The following TIAM1 variants were observed in gnomAD, a reference collection of about 807,000 sequenced individuals.
TIAM1 encodes rho guanine nucleotide exchange factor TIAM1.
TIAM1 carries 65 observed loss-of-function variants against 163.5 expected under a neutral mutation model. The observed-to-expected ratio is 0.40, with a 90% confidence interval of 0.33 to 0.49. TIAM1 has a LOEUF of 0.49. Among genes scored for constraint, TIAM1 ranks in the 20% least tolerant of loss-of-function variants. The pLI is 0.77. For missense variants in TIAM1, 1,789 were observed against 2,044.7 expected (o/e 0.87, Z 2.41); for synonymous variants, 833 against 810.1 (o/e 1.03, Z -0.48).
chr21:31,430,210 G>GAAAA (rs57117941), intron 2 of TIAM1, among the ~76,000 whole-genome samples: 1 of 89,434 alleles, frequency 1.1e-5, no homozygotes, highest in African/African-American at 5.0e-5. Flanking sequence ...CCATCTCAAA[G>GAAAA]AAAAAAAAAA....
chr21:31,184,792 A>G (rs2085200734), intron 14 of TIAM1, among the ~76,000 whole-genome samples: 2 of 152,182 alleles, frequency 1.3e-5, no homozygotes, highest in Admixed American at 6.5e-5. Flanking sequence ...TATGGCCTAG[A>G]AAGTATAGAA....
At chr21:31,189,401 T>C (rs889295675) in intron 13 of TIAM1, among the ~76,000 whole-genome samples, 7 of 152,172 alleles carry the variant, frequency 4.6e-5, no homozygotes, top group Middle Eastern at 3.4e-3. Flanking sequence ...AAAGGTTAAA[T>C]AGAGGAGACT....
chr21:31,325,528 T>C (rs1352120535), intron 2 of TIAM1, among the ~76,000 whole-genome samples: 1 of 151,324 alleles, frequency 6.6e-6, no homozygotes, highest in Admixed American at 6.6e-5. Flanking sequence ...ATTAGCCAGG[T>C]GTAGTGGCGC....
chr21:31,354,482 C>A (rs2147122826), intron 2 of TIAM1, among the ~76,000 whole-genome samples: 1 of 152,274 alleles, frequency 6.6e-6, no homozygotes, highest in South Asian at 2.1e-4. Context: ...ACCCCCACCA[C>A]ACGAAGAGGC....
At chr21:31,509,774 T>C (rs2047151108) in intron 1 of TIAM1, among the ~76,000 whole-genome samples, 1 of 152,028 alleles carries the variant, frequency 6.6e-6, no homozygotes, top group African/African-American at 2.4e-5. Context: ...TGCATGTTTC[T>C]CTCTCAGGGG....
chr21:31,507,674 G>A (rs752997069), intron 1 of TIAM1, among the ~76,000 whole-genome samples: 1 of 152,156 alleles, frequency 6.6e-6, no homozygotes, highest in South Asian at 2.1e-4. Flanking sequence ...CATGGTCCCC[G>A]TCCTCTTGGG....
At chr21:31,555,233 T>C (rs2048836316) in intron 1 of TIAM1, among the ~76,000 whole-genome samples, 1 of 150,692 alleles carries the variant, frequency 6.6e-6, no homozygotes, top group Non-Finnish European at 1.5e-5. Flanking sequence ...TAAAATGGAG[T>C]ACTTAGAGAT....
intron 14 of TIAM1, among the ~76,000 whole-genome samples, chr21:31,183,973 A>C (rs1421674381): frequency 1.6e-5 from 2 of 121,588 alleles, no homozygotes; most frequent in Non-Finnish European, 3.5e-5. Context: ...TTCTGAGACG[A>C]AGTCTCACTC....
At chr21:31,421,036 C>T (rs1182420306) in intron 2 of TIAM1, among the ~76,000 whole-genome samples, 2 of 151,328 alleles carry the variant, frequency 1.3e-5, no homozygotes, top group African/African-American at 2.4e-5. Flanking sequence ...GCAGGGGAAT[C>T]GCTTGAACCT....
intron 6 of TIAM1, among the ~76,000 whole-genome samples, chr21:31,244,757 A>C (rs1376970535): frequency 2.0e-5 from 3 of 152,242 alleles, no homozygotes; most frequent in Non-Finnish European, 1.5e-5. Flanking sequence ...AAATCTTCTT[A>C]GTATTCTCAA....
chr21:31,132,645 T>C (rs116257503), intron 23 of TIAM1, among the ~76,000 whole-genome samples: 2,445 of 152,234 alleles, frequency 0.016, 59 homozygotes, highest in African/African-American at 0.055. Context: ...ATCTTAACCA[T>C]TGTGGATCAC....
At chr21:31,383,067 C>A (rs2076805931) in intron 2 of TIAM1, among the ~76,000 whole-genome samples, 1 of 151,970 alleles carries the variant, frequency 6.6e-6, no homozygotes, top group Non-Finnish European at 1.5e-5. Context: ...TGGTGAAACC[C>A]CGTCTCTACT....
chr21:31,207,219 A>G (rs1278673432), intron 11 of TIAM1, among the ~76,000 whole-genome samples: 2 of 152,230 alleles, frequency 1.3e-5, no homozygotes, highest in Non-Finnish European at 2.9e-5. Flanking sequence ...TTTAGCAACA[A>G]TCATTCCAGT....
At chr21:31,324,427 G>A (rs2075419104) in intron 2 of TIAM1, among the ~76,000 whole-genome samples, 1 of 152,190 alleles carries the variant, frequency 6.6e-6, no homozygotes, top group Non-Finnish European at 1.5e-5. Context: ...AACAGTAATA[G>A]TAATTGACAC....
chr21:31,280,113 G>C (rs2073483001), intron 2 of TIAM1, among the ~76,000 whole-genome samples: 1 of 152,126 alleles, frequency 6.6e-6, no homozygotes, highest in South Asian at 2.1e-4. Context: ...TGACTCCTAG[G>C]GAAGCGAATG....
In TIAM1 at chr21:31,504,887, G is replaced by T. The variant is rs542410120; in HGVS notation, c.-421-40852C>A. On this transcript the variant is annotated intron_variant, in intron 1 of 28. Coordinates refer to the TIAM1 transcript ENST00000286827. ...AGAAGCTAAGAACTTGACAGCTATG[G>T]TCTCCTCCACATAATAGATACTCCT... Among the ~76,000 whole-genome samples the T allele has an allele frequency of 2.6e-5, 4 of 152,152 alleles. No individual in the cohort carries two copies. The South Asian group carries it at 8.3e-4, about 32-fold the overall frequency.
intron 1 of TIAM1, among the ~76,000 whole-genome samples, chr21:31,549,664 A>G (rs2048616451): frequency 6.6e-6 from 1 of 152,232 alleles, no homozygotes; most frequent in African/African-American, 2.4e-5. Flanking sequence ...ACAGACAATA[A>G]CAAGTGTTGA....
intron 1 of TIAM1, among the ~76,000 whole-genome samples, chr21:31,547,311 A>G (rs1448226549): frequency 6.6e-6 from 1 of 152,206 alleles, no homozygotes; most frequent in Non-Finnish European, 1.5e-5. Context: ...TCTTCCAAGA[A>G]AGAGACTGTC....
At chr21:31,413,471 C>T (rs77746948) in intron 2 of TIAM1, among the ~76,000 whole-genome samples, 6,950 of 151,752 alleles carry the variant, frequency 0.046, 187 homozygotes, top group East Asian at 0.086. Context: ...GGGGTTTCAC[C>T]GTGTTAGCCA....
Sources: allele counts gnomAD v4.1 joint callset (sites outside exome capture counted in the v4.1 genomes callset), GRCh38; gene constraint gnomAD v4.1.1; transcripts MANE v1.5; gene names NCBI Gene and HGNC (gene_info 2026-07-23, HGNC 2026-07-21).